Variants in PID1 observed in about 807,000 individuals in gnomAD.
The protein encoded by PID1 is phosphotyrosine interaction domain containing 1, also known as PTB-containing, cubilin and LRP1-interacting protein.
A neutral mutation model predicts 19.1 loss-of-function variants in PID1; 10 were observed. The ratio of observed to expected loss-of-function variants is 0.52; its 90% confidence interval spans 0.32 to 0.89. The LOEUF (loss-of-function observed/expected upper bound fraction) is 0.89, where lower values mean the gene tolerates loss of function less well. PID1 is among the 40% of genes least tolerant of loss of function. The probability of loss-of-function intolerance (pLI) is 0.03; values close to 1 mark genes in which losing one functional copy is unlikely to be tolerated. For missense variants in PID1, 248 were observed against 285.3 expected, an observed-to-expected ratio of 0.87 and a Z score of 0.94; for synonymous variants, 130 against 116.0, an observed-to-expected ratio of 1.12 and a Z score of -0.78.
intron 2 of PID1, among the ~76,000 whole-genome samples, chr2:229,148,352 A>G (rs1043346858): frequency 1.3e-5 from 2 of 152,142 alleles, no homozygotes; most frequent in African/African-American, 4.8e-5. Flanking sequence ...TTGAACATAT[A>G]TTTAAAGATC....
intron 1 of PID1, chr2:229,227,933 T>C: frequency 2.2e-6 from 1 of 455,798 alleles, no homozygotes; most frequent in Non-Finnish European, 4.4e-6. Context: ...ATCAGTTGTA[T>C]GCAAATACCA....
At chr2:229,058,007 G>A (rs1162997073) in intron 2 of PID1, among the ~76,000 whole-genome samples, 1 of 152,184 alleles carries the variant, frequency 6.6e-6, no homozygotes, top group Non-Finnish European at 1.5e-5. Flanking sequence ...CTCCAAGGCA[G>A]GATACAATTC....
At chr2:229,102,390 G>T (rs938451583) in intron 2 of PID1, among the ~76,000 whole-genome samples, 1 of 152,150 alleles carries the variant, frequency 6.6e-6, no homozygotes. Context: ...GCAGCAAGAA[G>T]AAGCTATTGT....
chr2:229,269,775 G>A (rs1268618365), intron 1 of PID1, among the ~76,000 whole-genome samples: 1 of 152,170 alleles, frequency 6.6e-6, no homozygotes, highest in Non-Finnish European at 1.5e-5. Context: ...CTCCTCATCT[G>A]CAAGGCTAAA....
At chr2:229,026,150 A>G in intron 2 of PID1, 42 bp from the exon 3 acceptor site, 1 of 1,395,984 alleles carries the variant, frequency 7.2e-7, no homozygotes, top group Non-Finnish European at 1.0e-6. Context: ...CATCAGCAGA[A>G]GGCTCTTTGT....
At chr2:229,126,424 A>C (rs577220251) in intron 2 of PID1, among the ~76,000 whole-genome samples, 62 of 145,410 alleles carry the variant, frequency 4.3e-4, no homozygotes, top group African/African-American at 1.6e-3. Context: ...ATGGTCTGGC[A>C]AAAAAAAAAA....
chr2:229,202,335 C>T (rs1377623068), intron 1 of PID1, among the ~76,000 whole-genome samples: 1 of 152,062 alleles, frequency 6.6e-6, no homozygotes, highest in Admixed American at 6.6e-5. Flanking sequence ...TTATTCACTC[C>T]TCTCATTGAG....
In PID1 at chr2:229,036,195, A is replaced by G. The variant is rs534908153; in HGVS notation, c.178-10087T>C. Among the ~76,000 whole-genome samples, 5 of 152,286 alleles carry G rather than the reference A, an allele frequency of 3.3e-5. No individual in the cohort carries two copies. In the South Asian group the frequency reaches 1.0e-3, roughly 32 times the overall value. The stretch of plus-strand genomic sequence containing the variant: ...TGGGTAGGACTGTGCACATCCCTCA[A>G]TAAAGGCAGTTGAAACCCTCAGAAG... On this transcript the variant is annotated intron_variant, in intron 2 of 2. Transcript: ENST00000392055.
chr2:229,032,083 T>C (rs1284079666), intron 2 of PID1, among the ~76,000 whole-genome samples: 2 of 152,218 alleles, frequency 1.3e-5, no homozygotes, highest in African/African-American at 2.4e-5. Context: ...GATTCAGTTA[T>C]GCTCTGCATG....
At chr2:229,192,799 G>C (rs976798912) in intron 1 of PID1, among the ~76,000 whole-genome samples, 4 of 152,010 alleles carry the variant, frequency 2.6e-5, no homozygotes, top group Non-Finnish European at 5.9e-5. Context: ...ATTGCATTGA[G>C]GTTTATTCTT....
At chr2:229,139,807 T>G (rs1350597501) in intron 2 of PID1, among the ~76,000 whole-genome samples, 2 of 152,164 alleles carry the variant, frequency 1.3e-5, no homozygotes, top group African/African-American at 4.8e-5. Context: ...AGGAACAGTC[T>G]CAGCACTGGA....
chr2:229,267,185 G>A (rs1690612122), intron 1 of PID1, among the ~76,000 whole-genome samples: 2 of 152,176 alleles, frequency 1.3e-5, no homozygotes, highest in Non-Finnish European at 2.9e-5. Flanking sequence ...AGTTTCAGAA[G>A]AAACCAAAAG....
intron 2 of PID1, among the ~76,000 whole-genome samples, chr2:229,146,525 T>TTGTGTGTG (rs143860908): frequency 8.1e-5 from 12 of 148,622 alleles, no homozygotes; most frequent in African/African-American, 3.0e-4. Flanking sequence ...TGTGAACATT[T>TTGTGTGTG]TGTGTGTGTG....
At chr2:229,143,964 G>T (rs938240832) in intron 2 of PID1, among the ~76,000 whole-genome samples, 4 of 152,020 alleles carry the variant, frequency 2.6e-5, no homozygotes, top group African/African-American at 9.7e-5. Flanking sequence ...ACTAATACAG[G>T]GGGGAAAGTC....
At chr2:229,123,429 T>C (rs1445514878) in intron 2 of PID1, among the ~76,000 whole-genome samples, 2 of 152,226 alleles carry the variant, frequency 1.3e-5, no homozygotes, top group East Asian at 1.9e-4. Flanking sequence ...TATCAGTTGA[T>C]AGATATTTGA....
chr2:229,168,407 T>TC (rs756209229), intron 1 of PID1, among the ~76,000 whole-genome samples: 38 of 152,172 alleles, frequency 2.5e-4, no homozygotes, highest in Non-Finnish European at 4.7e-4. Flanking sequence ...TGACCTATAT[T>TC]CAAGTTTACT....
chr2:229,027,236 G>C (rs1693444547), intron 2 of PID1, among the ~76,000 whole-genome samples: 1 of 152,156 alleles, frequency 6.6e-6, no homozygotes, highest in Non-Finnish European at 1.5e-5. Context: ...GTATCTTTGT[G>C]ACAAGAGTAG....
At chr2:229,052,315 T>A (rs1388682523) in intron 2 of PID1, among the ~76,000 whole-genome samples, 3 of 152,144 alleles carry the variant, frequency 2.0e-5, no homozygotes, top group Non-Finnish European at 4.4e-5. Context: ...GAATAAAATA[T>A]ACTATGAATG....
At chr2:229,219,893 T>C (rs137882345) in intron 1 of PID1, among the ~76,000 whole-genome samples, 1 of 152,158 alleles carries the variant, frequency 6.6e-6, no homozygotes, top group African/African-American at 2.4e-5. Flanking sequence ...AAGACACTTG[T>C]CTAAGGTCAT....
Sources: allele counts gnomAD v4.1 joint callset (sites outside exome capture counted in the v4.1 genomes callset), GRCh38; gene constraint gnomAD v4.1.1; transcripts MANE v1.5; gene names NCBI Gene and HGNC (gene_info 2026-07-23, HGNC 2026-07-21).